VWC2L: variants seen among roughly 807,000 people sequenced by gnomAD.
VWC2L encodes the protein von Willebrand factor C domain-containing protein 2-like.
A neutral mutation model predicts 21.6 loss-of-function variants in VWC2L; 10 were observed. The ratio of observed to expected loss-of-function variants is 0.46; its 90% CI spans 0.29 to 0.78. The LOEUF (loss-of-function observed/expected upper bound fraction) is 0.78. VWC2L is among the 30% of genes least tolerant of loss of function. VWC2L has a pLI of 0.10. For synonymous variants in VWC2L, 96 were observed against 94.3 expected, an observed-to-expected ratio of 1.02 and a Z score of -0.10; for missense variants, 209 against 277.1, an observed-to-expected ratio of 0.75 and a Z score of 1.74.
At chr2:214,518,802 A>G (rs73989046) in intron 3 of VWC2L, among the ~76,000 whole-genome samples, 5,008 of 152,310 alleles carry the variant, frequency 0.033, 270 homozygotes, top group African/African-American at 0.11. Flanking sequence ...ATTAAATGAG[A>G]TAATTTAGAT....
chr2:214,531,819 T>C (rs1689440458), intron 3 of VWC2L, among the ~76,000 whole-genome samples: 1 of 152,152 alleles, frequency 6.6e-6, no homozygotes, highest in South Asian at 2.1e-4. Flanking sequence ...TCCAGAGTTG[T>C]CTTAGCTATC....
intron 3 of VWC2L, among the ~76,000 whole-genome samples, chr2:214,468,969 G>A (rs1368865063): frequency 6.6e-6 from 1 of 152,076 alleles, no homozygotes; most frequent in African/African-American, 2.4e-5. Flanking sequence ...TTACTAAAAT[G>A]TATATATTTT....
chr2:214,421,341 T>C (rs1702436562), intron 2 of VWC2L, among the ~76,000 whole-genome samples: 1 of 152,150 alleles, frequency 6.6e-6, no homozygotes, highest in African/African-American at 2.4e-5. Flanking sequence ...AGGAGTGAAA[T>C]AGCTCATTGA....
At chr2:214,491,505 A>T (rs1010151518) in intron 3 of VWC2L, among the ~76,000 whole-genome samples, 2 of 152,220 alleles carry the variant, frequency 1.3e-5, no homozygotes, top group Non-Finnish European at 2.9e-5. Flanking sequence ...TGCTTATCTC[A>T]AATAGAATAA....
At chr2:214,482,490 T>A (rs1368242048) in intron 3 of VWC2L, among the ~76,000 whole-genome samples, 1 of 151,396 alleles carries the variant, frequency 6.6e-6, no homozygotes. Context: ...TATGTATGTA[T>A]GTATGTATAT....
chr2:214,500,805 C>T (rs935138347), intron 3 of VWC2L, among the ~76,000 whole-genome samples: 3 of 152,238 alleles, frequency 2.0e-5, no homozygotes, highest in Admixed American at 6.5e-5. Flanking sequence ...TGTAAACAAA[C>T]GACCAACCTC....
chr2:214,501,272 A>C (rs139242976), intron 3 of VWC2L, among the ~76,000 whole-genome samples: 37 of 152,232 alleles, frequency 2.4e-4, no homozygotes, highest in African/African-American at 8.9e-4. Flanking sequence ...TGTAGAACTA[A>C]CTGTCACTAC....
At chr2:214,522,351 G>A (rs1275432374) in intron 3 of VWC2L, among the ~76,000 whole-genome samples, 1 of 149,030 alleles carries the variant, frequency 6.7e-6, no homozygotes, top group Non-Finnish European at 1.5e-5. Flanking sequence ...CTCCAGGCTG[G>A]GGGACAGAGC....
At chr2:214,501,140 G>T (rs1688885024) in intron 3 of VWC2L, among the ~76,000 whole-genome samples, 1 of 152,136 alleles carries the variant, frequency 6.6e-6, no homozygotes, top group South Asian at 2.1e-4. Flanking sequence ...TATGCAGACT[G>T]GCCTACTGGT....
At chr2:214,564,829 TTTTAA>T (rs1488111489) in intron 3 of VWC2L, among the ~76,000 whole-genome samples, 10 of 152,142 alleles carry the variant, frequency 6.6e-5, no homozygotes, top group Admixed American at 6.5e-4. Flanking sequence ...TTGGTGCAGT[TTTTAA>T]TTTGTTTTTT....
intron 2 of VWC2L, among the ~76,000 whole-genome samples, chr2:214,428,519 G>A (rs1702557225): frequency 6.6e-6 from 1 of 152,054 alleles, no homozygotes; most frequent in South Asian, 2.1e-4. Flanking sequence ...AAAGTACTCA[G>A]TCAAGATTTT....
chr2:214,572,477 T>C (rs1397319138), intron 3 of VWC2L, among the ~76,000 whole-genome samples: 1 of 152,188 alleles, frequency 6.6e-6, no homozygotes, highest in African/African-American at 2.4e-5. Flanking sequence ...GAATTCACTC[T>C]TTTAAGAAAC....
At chr2:214,521,412 A>G (rs1256222335) in intron 3 of VWC2L, among the ~76,000 whole-genome samples, 1 of 152,210 alleles carries the variant, frequency 6.6e-6, no homozygotes, top group Non-Finnish European at 1.5e-5. Context: ...AGGCTGGGAC[A>G]GTATTTAAAC....
intron 3 of VWC2L, among the ~76,000 whole-genome samples, chr2:214,555,948 C>T (rs924772588): frequency 6.6e-6 from 1 of 152,056 alleles, no homozygotes; most frequent in Non-Finnish European, 1.5e-5. Context: ...AGGCAAAGGT[C>T]CCAATCTATG....
rs757611546 is a variant in VWC2L at position 214,414,233 on chromosome 2, G to A, written c.40G>A (p.Val14Ile). Reference protein sequence around the residue: ...HIHEACILLLVIPGLVTSAAI... With the variant: ...HIHEACILLLIIPGLVTSAAI... ...TCATGAAGCTTGCATACTTCTGTTG[G>A]TCATCCCTGGATTGGTCACCTCTGC... Residue 14 changes from valine to isoleucine, a missense_variant, in exon 2 of 4, where the codon GTC becomes ATC. Val to Ile is a conservative substitution (Grantham distance 29). Coordinates refer to ENST00000312504, the MANE Select transcript of VWC2L (RefSeq NM_001080500.4). 1 of 1,613,250 alleles carries A rather than the reference G, an allele frequency of 6.2e-7. No individual in the cohort carries two copies. Among genetic ancestry groups the A allele is most frequent in the Admixed American group, 1.7e-5 (1 of 59,888 alleles).
intron 3 of VWC2L, among the ~76,000 whole-genome samples, chr2:214,511,826 CTATATA>C (rs986979065): frequency 1.2e-4 from 15 of 121,782 alleles, no homozygotes; most frequent in Non-Finnish European, 2.6e-4. Flanking sequence ...ACACAACACA[CTATATA>C]TATATATACA....
chr2:214,547,188 A>G (rs1689722170), intron 3 of VWC2L, among the ~76,000 whole-genome samples: 1 of 93,320 alleles, frequency 1.1e-5, no homozygotes, highest in African/African-American at 4.6e-5. Flanking sequence ...AGGAAAACAA[A>G]TAGAATACTT....
chr2:214,549,596 A>T (rs1689761059), intron 3 of VWC2L, among the ~76,000 whole-genome samples: 1 of 152,204 alleles, frequency 6.6e-6, no homozygotes, highest in Non-Finnish European at 1.5e-5. Flanking sequence ...AACATGGTGA[A>T]ACCATGTCTC....
At chr2:214,538,763 CT>C (rs1462430345) in intron 3 of VWC2L, among the ~76,000 whole-genome samples, 1 of 151,938 alleles carries the variant, frequency 6.6e-6, no homozygotes, top group African/African-American at 2.4e-5. Context: ...AAATATCTTA[CT>C]ATCTGCTACT....
Sources: allele counts gnomAD v4.1 joint callset (sites outside exome capture counted in the v4.1 genomes callset), GRCh38; gene constraint gnomAD v4.1.1; transcripts MANE v1.5; gene names NCBI Gene and HGNC (gene_info 2026-07-23, HGNC 2026-07-21).